The following HPSE2 variants were observed in gnomAD, a reference collection of about 807,000 sequenced individuals.
HPSE2 encodes inactive heparanase-2.
A neutral mutation model predicts 60.5 loss-of-function variants in HPSE2; 38 were observed. The observed-to-expected ratio is 0.63, with a 90% CI of 0.48 to 0.82. HPSE2 has a LOEUF of 0.82. Ranked by LOEUF, HPSE2 falls within the 40% of genes least tolerant of loss-of-function variation. HPSE2 has a pLI of 0.00. For synonymous variants in HPSE2, 295 were observed against 293.2 expected (o/e 1.01, Z -0.06); for missense variants, 713 against 740.4 (o/e 0.96, Z 0.43).
intron 3 of HPSE2, among the ~76,000 whole-genome samples, chr10:98,964,331 T>A (rs1955759529): frequency 6.6e-6 from 1 of 152,168 alleles, no homozygotes; most frequent in African/African-American, 2.4e-5. Context: ...AATAAAGAAG[T>A]TTATTAAAAG....
intron 3 of HPSE2, among the ~76,000 whole-genome samples, chr10:99,057,918 A>T (rs201401611): frequency 3.9e-3 from 1 of 256 alleles, no homozygotes; most frequent in Non-Finnish European, 0.056. Context: ...CTTATGGGTT[A>T]AAAAAAAACA....
rs555340920 is a variant in HPSE2 at position 98,821,965 on chromosome 10, T to TA, written c.611-77910dup. 5.5e-3 allele frequency among the ~76,000 whole-genome samples: 839 copies of TA among 152,280 alleles called. 6 individuals are homozygous for TA. Among genetic ancestry groups the TA allele is most frequent in the African/African-American group, 0.019 (803 of 41,566 alleles). On this transcript the variant is annotated intron_variant, in intron 3 of 11. Coordinates refer to ENST00000370552, the MANE Select transcript of HPSE2 (RefSeq NM_021828.5). Reference sequence around the variant, plus strand: ...AAGGTGCTCAGTCTTGGGCATCATATAAAAAATCATATTGAGCTGATAACA... The same window carrying TA: ...AAGGTGCTCAGTCTTGGGCATCATATAAAAAAATCATATTGAGCTGATAACA...
At chr10:98,991,958 T>G (rs1478292468) in intron 3 of HPSE2, among the ~76,000 whole-genome samples, 1 of 152,184 alleles carries the variant, frequency 6.6e-6, no homozygotes, top group Non-Finnish European at 1.5e-5. Context: ...CAATCACCAT[T>G]TTCATTTTAT....
At chr10:98,756,284 C>A (rs959325051) in intron 3 of HPSE2, among the ~76,000 whole-genome samples, 6 of 151,926 alleles carry the variant, frequency 3.9e-5, no homozygotes, top group Non-Finnish European at 8.8e-5. Context: ...CAAGAGAAAA[C>A]AATGCCAAAG....
chr10:99,305,969 G>GCACACACA, the HPSE2 span, among the ~76,000 whole-genome samples: 63 of 50,918 alleles, frequency 1.2e-3, no homozygotes, highest in Admixed American at 3.3e-3. Context: ...ACACGCGCGC[G>GCACACACA]CGCGCGCGCG....
At chr10:99,139,040 GGCCCATCAATCAATAA>G (rs1845767739) in intron 3 of HPSE2, among the ~76,000 whole-genome samples, 1 of 151,970 alleles carries the variant, frequency 6.6e-6, no homozygotes, top group Non-Finnish European at 1.5e-5. Flanking sequence ...CCACCCTAAG[GGCCCATCAATCAATAA>G]GTGGATAAAG....
intron 2 of HPSE2, among the ~76,000 whole-genome samples, chr10:99,211,001 T>C (rs1022365527): frequency 6.6e-6 from 1 of 152,118 alleles, no homozygotes; most frequent in Non-Finnish European, 1.5e-5. Flanking sequence ...GACATAATCT[T>C]ATATCTAGAA....
At chr10:99,045,948 A>G (rs1184912917) in intron 3 of HPSE2, among the ~76,000 whole-genome samples, 1 of 152,188 alleles carries the variant, frequency 6.6e-6, no homozygotes, top group Non-Finnish European at 1.5e-5. Flanking sequence ...AACTATTCCA[A>G]AAAATTGAAG....
At chr10:98,584,710 A>T (rs1245504015) in intron 9 of HPSE2, among the ~76,000 whole-genome samples, 1 of 152,204 alleles carries the variant, frequency 6.6e-6, no homozygotes. Context: ...TGCCTTCCCC[A>T]TTCTAAGATG....
intron 3 of HPSE2, among the ~76,000 whole-genome samples, chr10:99,068,509 C>T (rs1225358384): frequency 6.6e-6 from 1 of 152,138 alleles, no homozygotes; most frequent in African/African-American, 2.4e-5. Context: ...GACTTATTCA[C>T]TACCATGAGA....
chr10:98,583,040 A>G (rs1944845953), intron 9 of HPSE2, among the ~76,000 whole-genome samples: 1 of 152,164 alleles, frequency 6.6e-6, no homozygotes, highest in Admixed American at 6.5e-5. Context: ...AGGGGGGCAT[A>G]GGGAAGCAGG....
At chr10:99,090,331 T>A (rs1193719574) in intron 3 of HPSE2, among the ~76,000 whole-genome samples, 1 of 152,160 alleles carries the variant, frequency 6.6e-6, no homozygotes, top group African/African-American at 2.4e-5. Context: ...ATGGTCATTA[T>A]TATATTCTGC....
At chr10:98,512,356 C>A (rs998265219) in intron 9 of HPSE2, among the ~76,000 whole-genome samples, 36 of 152,142 alleles carry the variant, frequency 2.4e-4, no homozygotes, top group African/African-American at 8.7e-4. Context: ...CCGAGGCGGG[C>A]GGATCACGAG....
chr10:98,586,047 T>C (rs1464248763), intron 9 of HPSE2, among the ~76,000 whole-genome samples: 2 of 151,996 alleles, frequency 1.3e-5, no homozygotes, highest in South Asian at 2.1e-4. Flanking sequence ...CCAATTATTA[T>C]GGCATAACAT....
At chr10:98,744,191 C>A in intron 3 of HPSE2, 135 bp from the exon 4 acceptor site, 3 of 842,860 alleles carry the variant, frequency 3.6e-6, no homozygotes, top group Non-Finnish European at 5.8e-6. Flanking sequence ...CTAAAAGGGA[C>A]TATTACCTTT....
At chr10:98,995,056 C>A (rs1956613390) in intron 3 of HPSE2, among the ~76,000 whole-genome samples, 1 of 152,200 alleles carries the variant, frequency 6.6e-6, no homozygotes, top group Admixed American at 6.5e-5. Flanking sequence ...AGGAGCTTTT[C>A]CCAACTCTCA....
intron 6 of HPSE2, among the ~76,000 whole-genome samples, chr10:98,679,624 A>G (rs1947733791): frequency 6.6e-6 from 1 of 152,076 alleles, no homozygotes; most frequent in South Asian, 2.1e-4. Context: ...CCAATAAGTT[A>G]TTATTTTGAA....
At chr10:98,823,185 G>A (rs1951462905) in intron 3 of HPSE2, among the ~76,000 whole-genome samples, 1 of 152,212 alleles carries the variant, frequency 6.6e-6, no homozygotes, top group Non-Finnish European at 1.5e-5. Flanking sequence ...TGGAACGTCT[G>A]GAAGGAACAC....
At chr10:99,152,366 A>G (rs1846306520) in intron 2 of HPSE2, among the ~76,000 whole-genome samples, 1 of 152,052 alleles carries the variant, frequency 6.6e-6, no homozygotes, top group Non-Finnish European at 1.5e-5. Flanking sequence ...CCTGCAACAC[A>G]AGAAATATTA....
Sources: gnomAD v4.1 joint callset for allele counts (sites outside exome capture counted in the v4.1 genomes callset) on GRCh38, gnomAD v4.1.1 for gene constraint, MANE v1.5 for transcripts, NCBI Gene and HGNC (gene_info 2026-07-23, HGNC 2026-07-21) for gene names.